The following DLC1 variants were observed in gnomAD, a reference collection of about 807,000 sequenced individuals.
DLC1 encodes DLC1 Rho GTPase activating protein, also known as rho GTPase-activating protein 7.
A neutral mutation model predicts 140.3 loss-of-function variants in DLC1; 54 were observed. That is an observed-to-expected ratio of 0.38 (90% CI 0.31 to 0.48). The LOEUF (loss-of-function observed/expected upper bound fraction) is 0.48. DLC1 is among the 20% of genes least tolerant of loss of function. The probability of loss-of-function intolerance (pLI) is 0.96; values close to 1 mark genes in which losing one functional copy is unlikely to be tolerated. For synonymous variants in DLC1, 986 were observed against 728.1 expected (o/e 1.35, Z -5.70); for missense variants, 2,536 against 1,907.0 (o/e 1.33, Z -6.14).
At chr8:13,351,114 G>A (rs895784199) in intron 4 of DLC1, among the ~76,000 whole-genome samples, 1 of 152,098 alleles carries the variant, frequency 6.6e-6, no homozygotes, top group Non-Finnish European at 1.5e-5. Flanking sequence ...TTGTAAATTG[G>A]CTTCAAAATT....
chr8:13,101,851 C>A (rs1056308508), intron 8 of DLC1, among the ~76,000 whole-genome samples: 2 of 152,172 alleles, frequency 1.3e-5, no homozygotes, highest in East Asian at 1.9e-4. Context: ...AGCTGTCACA[C>A]GGACTATTGC....
chr8:13,369,982 C>G (rs1296049799), intron 4 of DLC1, among the ~76,000 whole-genome samples: 2 of 151,312 alleles, frequency 1.3e-5, no homozygotes, highest in Middle Eastern at 3.4e-3. Flanking sequence ...GTCTTTGGGA[C>G]TGGTCACTCC....
At chr8:13,587,760 C>A (rs867721001) in intron 1 of DLC1, among the ~76,000 whole-genome samples, 1 of 151,660 alleles carries the variant, frequency 6.6e-6, no homozygotes, top group African/African-American at 2.4e-5. Context: ...ATACAGCAAT[C>A]AGAGAACTAA....
chr8:13,305,059 T>C (rs954025219), intron 5 of DLC1: 40 of 1,210,544 alleles, frequency 3.3e-5, no homozygotes, highest in Non-Finnish European at 4.0e-5. Flanking sequence ...AACACATATC[T>C]TATTCTAACA....
chr8:13,438,725 G>A (rs1269474883), intron 2 of DLC1, among the ~76,000 whole-genome samples: 3 of 152,112 alleles, frequency 2.0e-5, no homozygotes, highest in African/African-American at 4.8e-5. Context: ...AATTTTTTGA[G>A]TTGTCTCTCT....
At chr8:13,461,772 A>C (rs1799671515) in intron 2 of DLC1, among the ~76,000 whole-genome samples, 2 of 152,304 alleles carry the variant, frequency 1.3e-5, no homozygotes, top group South Asian at 4.1e-4. Context: ...ACAGCTAAGT[A>C]GTGGCAGAGG....
At chr8:13,111,364 A>G (rs1820094604) in intron 6 of DLC1, among the ~76,000 whole-genome samples, 1 of 152,238 alleles carries the variant, frequency 6.6e-6, no homozygotes, top group Non-Finnish European at 1.5e-5. Context: ...AACAAATATT[A>G]GCACTGCAAT....
At chr8:13,541,589 G>C (rs1015870676) in intron 1 of DLC1, among the ~76,000 whole-genome samples, 2 of 151,978 alleles carry the variant, frequency 1.3e-5, no homozygotes, top group Non-Finnish European at 2.9e-5. Context: ...TCACTCTGTC[G>C]CCAAGGCTGG....
intron 12 of DLC1, among the ~76,000 whole-genome samples, chr8:13,093,328 C>T (rs1393725766): frequency 6.6e-6 from 1 of 151,950 alleles, no homozygotes; most frequent in Non-Finnish European, 1.5e-5. Flanking sequence ...CTGATTTGTT[C>T]CTTCTTGAAG....
chr8:13,105,743 A>G (rs1819513093), intron 7 of DLC1, among the ~76,000 whole-genome samples: 2 of 151,796 alleles, frequency 1.3e-5, no homozygotes, highest in South Asian at 4.2e-4. Context: ...AGGCCCAGCT[A>G]ATTTTTTGTA....
At chr8:13,378,411 A>G (rs143028146) in intron 4 of DLC1, among the ~76,000 whole-genome samples, 113 of 151,994 alleles carry the variant, frequency 7.4e-4, no homozygotes, top group Middle Eastern at 3.4e-3. Context: ...ACATATGGCA[A>G]TCAAATTTGT....
At chr8:13,506,571 G>GTGTGTGTC (rs370167923) in intron 1 of DLC1, among the ~76,000 whole-genome samples, 2,991 of 10,008 alleles carry the variant, frequency 0.3, 194 homozygotes, top group East Asian at 0.56. Flanking sequence ...ACACACATGT[G>GTGTGTGTC]TGTGTGTGTG....
chr8:13,095,770 A>G (rs1818453038), intron 10 of DLC1: 1 of 155,610 alleles, frequency 6.4e-6, no homozygotes, highest in South Asian at 2.0e-4. Context: ...TGAGTTCTTG[A>G]TGAGATCGAA....
intron 1 of DLC1, among the ~76,000 whole-genome samples, chr8:13,536,957 G>T (rs982008966): frequency 5.3e-5 from 8 of 151,976 alleles, no homozygotes; most frequent in Non-Finnish European, 1.0e-4. Context: ...AGAGACCAGG[G>T]AATTTTATGT....
At chr8:13,243,223 G>C (rs1829617351) in intron 5 of DLC1, among the ~76,000 whole-genome samples, 1 of 149,206 alleles carries the variant, frequency 6.7e-6, no homozygotes, top group South Asian at 2.1e-4. Context: ...CCAGGAGCTG[G>C]AGGTTGCAGT....
intron 1 of DLC1, among the ~76,000 whole-genome samples, chr8:13,524,126 A>G (rs1394085050): frequency 6.8e-6 from 1 of 146,346 alleles, no homozygotes; most frequent in African/African-American, 2.5e-5. Flanking sequence ...TATTATTATT[A>G]TTATTATTAT....
intron 1 of DLC1, among the ~76,000 whole-genome samples, chr8:13,561,934 TCTTAA>T (rs1477906984): frequency 4.6e-5 from 7 of 152,114 alleles, no homozygotes; most frequent in Admixed American, 2.6e-4. Flanking sequence ...CAAGAGGCTA[TCTTAA>T]CTTATAGATA....
chr8:13,190,652 A>G (rs1187487037), intron 5 of DLC1, among the ~76,000 whole-genome samples: 2 of 152,242 alleles, frequency 1.3e-5, no homozygotes, highest in African/African-American at 4.8e-5. Context: ...AGTTATGTTT[A>G]GAGAAGTACC....
At chr8:13,270,190 G>C (rs60460747) in intron 5 of DLC1, among the ~76,000 whole-genome samples, 1 of 152,174 alleles carries the variant, frequency 6.6e-6, no homozygotes, top group East Asian at 1.9e-4. Flanking sequence ...GATAGCCTCA[G>C]ATCCTTAAGT....
Sources: gnomAD v4.1 joint callset for allele counts (sites outside exome capture counted in the v4.1 genomes callset) on GRCh38, gnomAD v4.1.1 for gene constraint, MANE v1.5 for transcripts, NCBI Gene and HGNC (gene_info 2026-07-23, HGNC 2026-07-21) for gene names.